The following ST6GALNAC3 variants were observed in gnomAD, a reference collection of about 807,000 sequenced individuals.
The protein encoded by ST6GALNAC3 is ST6 N-acetylgalactosaminide alpha-2,6-sialyltransferase 3, also known as alpha-N-acetylgalactosaminide alpha-2,6-sialyltransferase 3.
Under a neutral mutation model 32.7 loss-of-function variants are expected in ST6GALNAC3, and 25 were observed. That is an observed-to-expected ratio of 0.76 (90% confidence interval 0.56 to 1.07). The LOEUF (loss-of-function observed/expected upper bound fraction) is 1.07, where lower values mean the gene tolerates loss of function less well. ST6GALNAC3 is among the 50% of genes least tolerant of loss of function. ST6GALNAC3 has a pLI of 0.00. For synonymous variants in ST6GALNAC3, 129 were observed against 133.1 expected (o/e 0.97, Z 0.21); for missense variants, 355 against 382.4 (o/e 0.93, Z 0.60).
rs1164049702 is a variant in ST6GALNAC3 at position 76,633,586 on chromosome 1, CTGT to C, written c.*4786_*4788del. The C allele has an allele frequency of 2.0e-5, 3 of 152,278 alleles. No individual in the cohort carries two copies. The highest frequency in any genetic ancestry group is 1.3e-4 in the Admixed American group (2 of 15,308). 9.4% of individuals were successfully genotyped at this position (152,278 alleles called of 1,614,324 possible). A position where few individuals can be genotyped will look rare whatever the true frequency, so the allele number is the denominator to read the frequency against. ...GGTTGCCTGGTGAAACTGGCAGGCC[CTGT>C]TGTTGACATTTCCCCAGAGCTAAAA... On this transcript the variant is annotated 3_prime_UTR_variant, in exon 5 of 5. Transcript: ENST00000328299.
At chr1:76,533,902 AT>A (rs1663425609) in intron 3 of ST6GALNAC3, among the ~76,000 whole-genome samples, 1 of 151,976 alleles carries the variant, frequency 6.6e-6, no homozygotes, top group Non-Finnish European at 1.5e-5. Context: ...AGAGGCAGGC[AT>A]TCTATTATAT....
At chr1:76,592,961 C>T (rs181061355) in intron 3 of ST6GALNAC3, among the ~76,000 whole-genome samples, 1 of 151,780 alleles carries the variant, frequency 6.6e-6, no homozygotes, top group East Asian at 2.0e-4. Flanking sequence ...GAATTCTTTT[C>T]CACATACAAA....
intron 3 of ST6GALNAC3, among the ~76,000 whole-genome samples, chr1:76,575,593 T>C (rs1646789260): frequency 6.6e-6 from 1 of 152,048 alleles, no homozygotes; most frequent in Non-Finnish European, 1.5e-5. Flanking sequence ...TCAAGTTTCT[T>C]ATATGAGGAG....
At chr1:76,288,023 C>G (rs978832565) in intron 1 of ST6GALNAC3, among the ~76,000 whole-genome samples, 4 of 152,100 alleles carry the variant, frequency 2.6e-5, no homozygotes, top group African/African-American at 9.7e-5. Flanking sequence ...AATTCACTGC[C>G]CAACTGAGAA....
At chr1:76,326,917 G>C (rs1647085085) in intron 2 of ST6GALNAC3, among the ~76,000 whole-genome samples, 1 of 135,022 alleles carries the variant, frequency 7.4e-6, no homozygotes, top group Non-Finnish European at 1.5e-5. Context: ...TGATTGCATT[G>C]ACTAGAGCTT....
chr1:76,289,678 T>C (rs1199653088), intron 1 of ST6GALNAC3, among the ~76,000 whole-genome samples: 1 of 152,192 alleles, frequency 6.6e-6, no homozygotes, highest in East Asian at 1.9e-4. Flanking sequence ...GATGAAGCAT[T>C]GATAGAAGGA....
chr1:76,076,848 C>T (rs75655435), intron 1 of ST6GALNAC3, among the ~76,000 whole-genome samples: 8 of 152,202 alleles, frequency 5.3e-5, no homozygotes, highest in African/African-American at 1.9e-4. Context: ...AGAGATTTGC[C>T]CAAGGCCACA....
At chr1:76,195,340 G>A (rs1654141505) in intron 1 of ST6GALNAC3, among the ~76,000 whole-genome samples, 1 of 152,202 alleles carries the variant, frequency 6.6e-6, no homozygotes, top group Admixed American at 6.5e-5. Context: ...AATTGCACAA[G>A]TGCTTTTCCT....
intron 1 of ST6GALNAC3, among the ~76,000 whole-genome samples, chr1:76,303,095 A>G (rs966784613): frequency 9.8e-6 from 1 of 102,244 alleles, no homozygotes; most frequent in African/African-American, 2.7e-5. Flanking sequence ...TACAAAGGTC[A>G]CAGTCCTATG....
intron 1 of ST6GALNAC3, among the ~76,000 whole-genome samples, chr1:76,296,640 G>A (rs1660422865): frequency 6.6e-6 from 1 of 152,028 alleles, no homozygotes; most frequent in African/African-American, 2.4e-5. Flanking sequence ...GATGAACCAT[G>A]AATGTGTATT....
At chr1:76,547,951 G>A (rs1472133986) in intron 3 of ST6GALNAC3, among the ~76,000 whole-genome samples, 4 of 151,486 alleles carry the variant, frequency 2.6e-5, no homozygotes, top group Non-Finnish European at 4.4e-5. Flanking sequence ...TCTATAAACA[G>A]CCAGCTCCCC....
intron 1 of ST6GALNAC3, among the ~76,000 whole-genome samples, chr1:76,285,206 A>C (rs1378053672): frequency 6.6e-6 from 1 of 152,214 alleles, no homozygotes; most frequent in East Asian, 1.9e-4. Flanking sequence ...AGAAGCTTAG[A>C]TCTTTGCATT....
intron 2 of ST6GALNAC3, among the ~76,000 whole-genome samples, chr1:76,372,073 T>C (rs1022940494): frequency 2.2e-4 from 33 of 152,286 alleles, no homozygotes; most frequent in Admixed American, 1.2e-3. Context: ...TAGCCTTATC[T>C]GGGGAGAACA....
intron 1 of ST6GALNAC3, among the ~76,000 whole-genome samples, chr1:76,112,816 GGTT>G (rs1461048488): frequency 6.6e-6 from 1 of 151,554 alleles, no homozygotes; most frequent in Non-Finnish European, 1.5e-5. Context: ...TTCCTAGATG[GGTT>G]GGTGGCGGGG....
At chr1:76,328,588 T>C (rs1647125154) in intron 2 of ST6GALNAC3, among the ~76,000 whole-genome samples, 1 of 152,238 alleles carries the variant, frequency 6.6e-6, no homozygotes, top group Admixed American at 6.5e-5. Context: ...TCATACCTGC[T>C]TGTACTGAGC....
intron 1 of ST6GALNAC3, among the ~76,000 whole-genome samples, chr1:76,208,052 CA>C (rs1553165409): frequency 6.9e-6 from 1 of 145,886 alleles, no homozygotes; most frequent in African/African-American, 2.5e-5. Flanking sequence ...CCCCCCCCCC[CA>C]AAAAATAGTT....
chr1:76,193,124 T>C (rs1296293957), intron 1 of ST6GALNAC3, among the ~76,000 whole-genome samples: 1 of 152,092 alleles, frequency 6.6e-6, no homozygotes, highest in African/African-American at 2.4e-5. Flanking sequence ...AGAAAAAATA[T>C]CTAATAATAA....
intron 1 of ST6GALNAC3, among the ~76,000 whole-genome samples, chr1:76,139,102 G>A (rs569747001): frequency 1.8e-4 from 27 of 152,136 alleles, no homozygotes; most frequent in Non-Finnish European, 3.1e-4. Flanking sequence ...GCTGAGGCAG[G>A]AGAATGGCGT....
At chr1:76,111,654 T>G (rs2100804349) in intron 1 of ST6GALNAC3, among the ~76,000 whole-genome samples, 1 of 150,084 alleles carries the variant, frequency 6.7e-6, no homozygotes, top group Middle Eastern at 3.4e-3. Context: ...ACGAGCATGC[T>G]GCCTTCAAGC....
Sources: gnomAD v4.1 joint callset for allele counts (sites outside exome capture counted in the v4.1 genomes callset) on GRCh38, gnomAD v4.1.1 for gene constraint, MANE v1.5 for transcripts, NCBI Gene and HGNC (gene_info 2026-07-23, HGNC 2026-07-21) for gene names.